The following TF variants were observed in gnomAD, a reference collection of about 807,000 sequenced individuals.
TF encodes serotransferrin.
Under a neutral mutation model 82.4 loss-of-function variants are expected in TF, and 55 were observed. That is an observed-to-expected ratio of 0.67 (90% CI 0.54 to 0.84). TF has a LOEUF of 0.84. Ranked by LOEUF, TF falls within the 40% of genes least tolerant of loss-of-function variation. TF has a pLI of 0.00. For missense variants in TF, 737 were observed against 868.4 expected, an observed-to-expected ratio of 0.85 and a Z score of 1.90; for synonymous variants, 332 against 332.6, an observed-to-expected ratio of 1.00 and a Z score of 0.02.
the TF span, among the ~76,000 whole-genome samples, chr3:133,663,701 C>T: frequency 9.5e-4 from 145 of 152,234 alleles, 1 homozygote; most frequent in East Asian, 0.024. Flanking sequence ...CTTGCCCGTG[C>T]CTTTCCTGAC....
chr3:133,740,349 G>A, the TF span, among the ~76,000 whole-genome samples: 466 of 152,288 alleles, frequency 3.1e-3, 3 homozygotes, highest in African/African-American at 0.011. Flanking sequence ...TGGGGGCTAA[G>A]GGAGGGATAG....
the TF span, among the ~76,000 whole-genome samples, chr3:133,677,624 C>A: frequency 6.6e-6 from 1 of 152,036 alleles, no homozygotes; most frequent in Non-Finnish European, 1.5e-5. Context: ...GGCAACAGAG[C>A]AAGACTCTGT....
the TF span, among the ~76,000 whole-genome samples, chr3:133,715,962 G>A: frequency 2.0e-5 from 3 of 152,146 alleles, no homozygotes; most frequent in Non-Finnish European, 2.9e-5. Context: ...TCCTGTTCCA[G>A]TGTTAATTGA....
At chr3:133,753,889 G>C in intron 3 of TF, 186 bp downstream of exon 3, 1 of 667,694 alleles carries the variant, frequency 1.5e-6, no homozygotes, top group Non-Finnish European at 2.7e-6. Flanking sequence ...CTTTGGGCTG[G>C]CTGAGGACTG....
At chr3:133,778,454 G>C in intron 16 of TF, 132 bp from the exon 17 acceptor site, 1 of 911,892 alleles carries the variant, frequency 1.1e-6, no homozygotes, top group Non-Finnish European at 1.7e-6. Context: ...CTGGGAGAAC[G>C]GCCCAGTTCA....
the TF span, among the ~76,000 whole-genome samples, chr3:133,740,155 A>T: frequency 6.6e-6 from 1 of 152,098 alleles, no homozygotes; most frequent in South Asian, 2.1e-4. Context: ...ATGCAGCCAT[A>T]AAAAAGGATG....
At chr3:133,693,806 A>T in the TF span, among the ~76,000 whole-genome samples, 8 of 152,326 alleles carry the variant, frequency 5.3e-5, no homozygotes, top group East Asian at 1.5e-3. Context: ...GCTGATGTGC[A>T]AGTGTTCCTG....
the TF span, among the ~76,000 whole-genome samples, chr3:133,671,199 A>C: frequency 6.6e-6 from 1 of 152,230 alleles, no homozygotes; most frequent in Non-Finnish European, 1.5e-5. Context: ...CACTGGGCTT[A>C]AATCAAGATG....
chr3:133,698,310 G>C, the TF span, among the ~76,000 whole-genome samples: 4 of 152,154 alleles, frequency 2.6e-5, no homozygotes, highest in East Asian at 1.9e-4. Flanking sequence ...CAAGAACCTG[G>C]ACAACTCACA....
the TF span, among the ~76,000 whole-genome samples, chr3:133,740,491 C>T: frequency 8.5e-5 from 13 of 152,186 alleles, no homozygotes; most frequent in Non-Finnish European, 1.6e-4. Flanking sequence ...CTACCATGCC[C>T]GGCTAATTTT....
At chr3:133,670,101 A>G in the TF span, among the ~76,000 whole-genome samples, 1 of 152,234 alleles carries the variant, frequency 6.6e-6, no homozygotes, top group Non-Finnish European at 1.5e-5. Context: ...CAGAGGCCAC[A>G]TGAGAAACAG....
At chr3:133,768,003 T>C (rs1243373462) in intron 12 of TF, 26 bp from the exon 13 acceptor site, 2 of 1,613,910 alleles carry the variant, frequency 1.2e-6, no homozygotes, top group African/African-American at 2.7e-5. Context: ...CAGGAAAAGC[T>C]GACTTCCTCT....
At position 133,764,759 on chromosome 3, in the gene TF, G is replaced by A. The variant is rs1934084262; in HGVS notation, c.1298-116G>A. ...TGGACTTGTTGGGAATTGATGACAT[G>A]TATAGATAATTTTCTCTGACTTTCT... On this transcript the variant is annotated intron_variant, in intron 10 of 16. Transcript: ENST00000402696. 4.1e-6 allele frequency: 4 copies of A among 985,576 alleles called. 1 individual carries two copies. Among genetic ancestry groups the A allele is most frequent in the Admixed American group, 3.8e-5 (2 of 52,028 alleles). The allele number at this position is 985,576 out of a possible 1,614,324, so 61.1% of individuals were successfully genotyped here.
chr3:133,794,205 A>C lies in TF; in HGVS notation c.*15585A>C, dbSNP rs1934911342. ...TAAGTCGTTAAAGCTTTTGTTAGTA[A>C]AATTTCTGCATTACATGACTCGTCA... On this transcript the variant is annotated 3_prime_UTR_variant, in exon 17 of 17. Coordinates refer to ENST00000402696, the MANE Select transcript of TF (RefSeq NM_001063.4). 6.6e-6 allele frequency: 1 copy of C among 152,170 alleles called. No homozygotes were observed. The highest frequency in any genetic ancestry group is 2.1e-4 in the South Asian group (1 of 4,828). 9.4% of individuals were successfully genotyped at this position (152,170 alleles called of 1,614,324 possible). A position where few individuals can be genotyped will look rare whatever the true frequency, so the allele number is the denominator to read the frequency against.
Position 133,791,830 on chromosome 3 carries a change from TTA to T in TF, c.*13214_*13215del, listed in dbSNP as rs574966669. 136 of 152,334 alleles carry T rather than the reference TTA, an allele frequency of 8.9e-4. 1 individual carries two copies. The highest frequency in any genetic ancestry group is 3.0e-3 in the African/African-American group (125 of 41,578). 9.4% of individuals were successfully genotyped at this position (152,334 alleles called of 1,614,324 possible). On this transcript the variant is annotated 3_prime_UTR_variant, in exon 17 of 17. Coordinates refer to ENST00000402696, the MANE Select transcript of TF (RefSeq NM_001063.4). ...AGTCCTTTATCTTCTGTCTGTGTAT[TTA>T]TATGTGTTGTGTGTGTACTATAAAA...
the TF span, among the ~76,000 whole-genome samples, chr3:133,677,922 A>G: frequency 1.3e-5 from 2 of 152,194 alleles, no homozygotes; most frequent in East Asian, 1.9e-4. Context: ...CAGGTTTGTT[A>G]CATAGGTATA....
rs1158996382 is a variant in TF, at chr3:133,791,817, T to C, written c.*13197T>C. On this transcript the variant is annotated 3_prime_UTR_variant, in exon 17 of 17. Coordinates refer to ENST00000402696, the MANE Select transcript of TF (RefSeq NM_001063.4). ...GGCTTAGGGAATGAGTCCTTTATCT[T>C]CTGTCTGTGTATTTATATGTGTTGT... The C allele has an allele frequency of 6.6e-6, 1 of 152,154 alleles. No individual in the cohort carries two copies. Among genetic ancestry groups the C allele is most frequent in the Non-Finnish European group, 1.5e-5 (1 of 67,982 alleles). 9.4% of individuals were successfully genotyped at this position (152,154 alleles called of 1,614,324 possible).
intron 1 of TF, chr3:133,747,218 T>G (rs1933526730): frequency 6.5e-6 from 1 of 153,750 alleles, no homozygotes; most frequent in African/African-American, 2.4e-5. Context: ...AGCTAGCAAT[T>G]CCTTGAGAGA....
intron 15 of TF, among the ~76,000 whole-genome samples, chr3:133,776,833 G>A (rs535330535): frequency 2.6e-5 from 4 of 152,226 alleles, no homozygotes; most frequent in South Asian, 2.1e-4. Context: ...GTGGGACCAG[G>A]GACCCTATAG....
Sources: gnomAD v4.1 joint callset for allele counts (sites outside exome capture counted in the v4.1 genomes callset) on GRCh38, gnomAD v4.1.1 for gene constraint, MANE v1.5 for transcripts, NCBI Gene and HGNC (gene_info 2026-07-23, HGNC 2026-07-21) for gene names.